PRKAG2: variants seen among roughly 807,000 people sequenced by gnomAD.
PRKAG2 encodes the protein 5'-AMP-activated protein kinase subunit gamma-2.
PRKAG2 carries 26 observed loss-of-function variants against 69.6 expected under a neutral mutation model. The observed-to-expected ratio is 0.37, with a 90% CI of 0.27 to 0.52. PRKAG2 has a LOEUF of 0.52. Among genes scored for constraint, PRKAG2 ranks in the 20% least tolerant of loss-of-function variants. The probability of loss-of-function intolerance (pLI) is 0.90; values close to 1 mark genes in which losing one functional copy is unlikely to be tolerated. For synonymous variants in PRKAG2, 293 were observed against 285.0 expected (o/e 1.03, Z -0.28); for missense variants, 557 against 740.0 (o/e 0.75, Z 2.87).
intron 3 of PRKAG2, among the ~76,000 whole-genome samples, chr7:151,704,038 G>C (rs1046850293): frequency 6.6e-6 from 1 of 151,754 alleles, no homozygotes; most frequent in Non-Finnish European, 1.5e-5. Context: ...CTCCAGCCTG[G>C]ATGACAGACC....
intron 3 of PRKAG2, among the ~76,000 whole-genome samples, chr7:151,740,688 G>C (rs1353537865): frequency 6.6e-6 from 1 of 152,212 alleles, no homozygotes; most frequent in Non-Finnish European, 1.5e-5. Context: ...AAAGCCGTGA[G>C]TATGTGAGCC....
intron 3 of PRKAG2, among the ~76,000 whole-genome samples, chr7:151,720,345 A>G (rs1229477892): frequency 2.0e-5 from 3 of 151,898 alleles, no homozygotes; most frequent in Non-Finnish European, 4.4e-5. Context: ...AGCACCCTAG[A>G]TAGGAGAGTC....
intron 1 of PRKAG2, among the ~76,000 whole-genome samples, chr7:151,822,608 C>T (rs767311498): frequency 1.3e-5 from 2 of 152,170 alleles, no homozygotes; most frequent in Non-Finnish European, 2.9e-5. Flanking sequence ...AACGGTGAGC[C>T]GGCCCCGCTG....
chr7:151,578,898 G>A (rs1423954336), intron 6 of PRKAG2, among the ~76,000 whole-genome samples: 3 of 152,234 alleles, frequency 2.0e-5, no homozygotes, highest in African/African-American at 7.2e-5. Flanking sequence ...GAATATAGTG[G>A]AAAAGTCGCA....
chr7:151,629,249 G>T (rs1039298426), intron 5 of PRKAG2, among the ~76,000 whole-genome samples: 2 of 152,116 alleles, frequency 1.3e-5, no homozygotes, highest in Non-Finnish European at 2.9e-5. Flanking sequence ...AAAGTTGGCC[G>T]GCCCATGTCC....
chr7:151,641,686 C>T (rs1324210728), intron 4 of PRKAG2, among the ~76,000 whole-genome samples: 2 of 150,788 alleles, frequency 1.3e-5, no homozygotes, highest in Non-Finnish European at 3.0e-5. Context: ...CTGGGAGTGC[C>T]AGCACGTGCC....
In PRKAG2 at chr7:151,557,363, G is replaced by A. The variant is rs547367791; in HGVS notation, c.1679-131C>T. 1.2e-4 allele frequency: 197 copies of A among 1,599,052 alleles called. 1 individual carries two copies. In the Middle Eastern group the frequency reaches 3.4e-3, roughly 27 times the overall value. ...AGAGGCTTCGGAGGAGGGCGATGTG[G>A]GAAGGAGCAGGTGGCCCAAGCTCCC... On this transcript the variant is annotated intron_variant, in intron 15 of 15. Transcript: ENST00000287878.
chr7:151,782,594 C>T (rs1390201394), intron 2 of PRKAG2, among the ~76,000 whole-genome samples: 4 of 152,126 alleles, frequency 2.6e-5, no homozygotes, highest in South Asian at 2.1e-4. Flanking sequence ...TGCCCGCAGC[C>T]GTGTTCCTGC....
At chr7:151,795,223 T>G (rs2077438608) in intron 1 of PRKAG2, among the ~76,000 whole-genome samples, 1 of 151,296 alleles carries the variant, frequency 6.6e-6, no homozygotes, top group South Asian at 2.1e-4. Context: ...GCTACAGGAG[T>G]CTGGGTCAGC....
chr7:151,654,723 C>T (rs1424797923), intron 4 of PRKAG2, among the ~76,000 whole-genome samples: 1 of 152,178 alleles, frequency 6.6e-6, no homozygotes, highest in Non-Finnish European at 1.5e-5. Flanking sequence ...GACAGAGTCT[C>T]GCTCTATGGC....
intron 2 of PRKAG2, among the ~76,000 whole-genome samples, chr7:151,785,651 T>C (rs6979356): frequency 0.24 from 36,381 of 152,168 alleles, 6,284 homozygotes; most frequent in African/African-American, 0.49. Flanking sequence ...ACCCTGTACG[T>C]AGCCCCCAGA....
chr7:151,870,772 C>T (rs1007259967), intron 1 of PRKAG2, among the ~76,000 whole-genome samples: 1 of 152,246 alleles, frequency 6.6e-6, no homozygotes, highest in Non-Finnish European at 1.5e-5. Flanking sequence ...GTGGCCTTCT[C>T]GCAGCGCGGG....
At chr7:151,604,279 T>C (rs1419814389) in intron 5 of PRKAG2, among the ~76,000 whole-genome samples, 2 of 152,202 alleles carry the variant, frequency 1.3e-5, no homozygotes, top group African/African-American at 2.4e-5. Context: ...GGAAATGTGT[T>C]TCCCCATCAT....
chr7:151,684,824 C>T (rs1223632012), intron 3 of PRKAG2, among the ~76,000 whole-genome samples: 2 of 152,190 alleles, frequency 1.3e-5, no homozygotes, highest in African/African-American at 4.8e-5. Flanking sequence ...CCCAGTGCCC[C>T]CAGCCACAGT....
intron 5 of PRKAG2, among the ~76,000 whole-genome samples, chr7:151,611,024 G>C (rs1261217372): frequency 6.6e-6 from 1 of 151,992 alleles, no homozygotes; most frequent in East Asian, 1.9e-4. Context: ...CAAAGTGCTG[G>C]GATTACAGGC....
intron 3 of PRKAG2, among the ~76,000 whole-genome samples, chr7:151,701,307 T>C (rs143318489): frequency 6.6e-6 from 1 of 152,328 alleles, no homozygotes; most frequent in Non-Finnish European, 1.5e-5. Flanking sequence ...TTCAGCTCCT[T>C]AGTTGCTGTT....
intron 4 of PRKAG2, among the ~76,000 whole-genome samples, chr7:151,661,429 A>G (rs1028912885): frequency 7.2e-5 from 11 of 152,198 alleles, no homozygotes; most frequent in Admixed American, 6.5e-4. Context: ...CCAACCCCCC[A>G]CCTTGGCCTC....
chr7:151,571,262 A>G (rs1807500201), intron 9 of PRKAG2, among the ~76,000 whole-genome samples: 1 of 147,900 alleles, frequency 6.8e-6, no homozygotes, highest in African/African-American at 2.5e-5. Flanking sequence ...TAGTAGAGAC[A>G]GGGTTTCACC....
chr7:151,764,195 G>T (rs1388716485), intron 3 of PRKAG2, among the ~76,000 whole-genome samples: 1 of 152,144 alleles, frequency 6.6e-6, no homozygotes, highest in East Asian at 1.9e-4. Context: ...TAATAAAAGT[G>T]GTGATGGAAA....
Sources: gnomAD v4.1 joint callset for allele counts (sites outside exome capture counted in the v4.1 genomes callset) on GRCh38, gnomAD v4.1.1 for gene constraint, MANE v1.5 for transcripts, NCBI Gene and HGNC (gene_info 2026-07-23, HGNC 2026-07-21) for gene names.